RCOR1: variants seen among roughly 807,000 people sequenced by gnomAD.
RCOR1 encodes the protein REST corepressor.
A neutral mutation model predicts 64.0 loss-of-function variants in RCOR1; 12 were observed. The observed-to-expected ratio is 0.19, with a 90% CI of 0.12 to 0.30. The LOEUF (loss-of-function observed/expected upper bound fraction) is 0.30. RCOR1 is among the 10% of genes least tolerant of loss of function. RCOR1 has a pLI of 1.00. For missense variants in RCOR1, 502 were observed against 621.2 expected, an observed-to-expected ratio of 0.81 and a Z score of 2.04; for synonymous variants, 279 against 227.2, an observed-to-expected ratio of 1.23 and a Z score of -2.05.
chr14:102,726,611 C>A lies in RCOR1; in HGVS notation c.*105C>A. On this transcript the variant is annotated 3_prime_UTR_variant, in exon 12 of 12. Coordinates refer to ENST00000262241, the MANE Select transcript of RCOR1 (RefSeq NM_015156.4). ...TCTGCATCACATCTCTCTGGACAAG[C>A]AGCTATTACCAAAAAAGGCATATAC... The A allele has an allele frequency of 4.2e-6, 4 of 960,506 alleles. No individual in the cohort carries two copies. The highest frequency in any genetic ancestry group is 6.4e-6 in the Non-Finnish European group (4 of 625,006). 59.5% of individuals were successfully genotyped at this position (960,506 alleles called of 1,614,324 possible). A position where few individuals can be genotyped will look rare whatever the true frequency, so the allele number is the denominator to read the frequency against.
intron 7 of RCOR1, among the ~76,000 whole-genome samples, chr14:102,713,282 G>A (rs1234794077): frequency 1.5e-5 from 2 of 129,892 alleles, no homozygotes; most frequent in African/African-American, 2.9e-5. Flanking sequence ...TTTTTGAGAC[G>A]GAGCCTCACT....
intron 2 of RCOR1, among the ~76,000 whole-genome samples, chr14:102,666,338 G>A (rs1186369970): frequency 6.6e-6 from 1 of 152,032 alleles, no homozygotes; most frequent in East Asian, 1.9e-4. Flanking sequence ...TTTTATTTTG[G>A]AATAATTTTA....
intron 2 of RCOR1, among the ~76,000 whole-genome samples, chr14:102,669,007 C>T (rs1442630767): frequency 2.0e-5 from 3 of 152,056 alleles, no homozygotes; most frequent in Non-Finnish European, 4.4e-5. Context: ...TAAGAGAGAA[C>T]CAGACAGGAG....
intron 2 of RCOR1, among the ~76,000 whole-genome samples, chr14:102,661,230 C>A (rs539458568): frequency 2.0e-5 from 3 of 152,068 alleles, no homozygotes; most frequent in African/African-American, 4.8e-5. Context: ...TACCTGTAGT[C>A]CTAGCTACTT....
intron 2 of RCOR1, chr14:102,657,267 T>C: frequency 3.0e-6 from 3 of 985,404 alleles, no homozygotes; most frequent in Non-Finnish European, 3.6e-6. Context: ...ATTTCCCACC[T>C]GTATGTATGC....
intron 11 of RCOR1, among the ~76,000 whole-genome samples, chr14:102,723,246 T>G (rs1896197231): frequency 6.6e-6 from 1 of 152,208 alleles, no homozygotes; most frequent in Non-Finnish European, 1.5e-5. Flanking sequence ...TGGAATGTTT[T>G]GAGATTACCT....
intron 2 of RCOR1, among the ~76,000 whole-genome samples, chr14:102,619,467 T>C (rs1257676182): frequency 2.1e-5 from 3 of 141,156 alleles, no homozygotes; most frequent in African/African-American, 8.1e-5. Context: ...ATCTATTCTA[T>C]CTAATCTTTT....
chr14:102,607,092 T>C (rs2403066), intron 2 of RCOR1, among the ~76,000 whole-genome samples: 121,015 of 151,980 alleles, frequency 0.8, 48,440 homozygotes, highest in Middle Eastern at 0.87. Flanking sequence ...CTCCACCACG[T>C]CTGGCTGATT....
chr14:102,667,886 G>A (rs759183495), intron 2 of RCOR1, among the ~76,000 whole-genome samples: 1 of 152,146 alleles, frequency 6.6e-6, no homozygotes, highest in Non-Finnish European at 1.5e-5. Context: ...AGTGGGAAGG[G>A]TGAATGAGAG....
intron 4 of RCOR1, among the ~76,000 whole-genome samples, chr14:102,702,485 CATATAA>C (rs1489725999): frequency 1.3e-5 from 2 of 149,432 alleles, no homozygotes; most frequent in Admixed American, 1.3e-4. Context: ...ATATATATAA[CATATAA>C]ATATATATAA....
intron 2 of RCOR1, among the ~76,000 whole-genome samples, chr14:102,654,335 A>T (rs1295874355): frequency 6.6e-6 from 1 of 152,106 alleles, no homozygotes; most frequent in Non-Finnish European, 1.5e-5. Flanking sequence ...AATAGCCATC[A>T]TGTAAAATAC....
intron 8 of RCOR1, among the ~76,000 whole-genome samples, chr14:102,719,098 T>G (rs11847932): frequency 0.21 from 31,272 of 151,992 alleles, 3,526 homozygotes; most frequent in East Asian, 0.41. Flanking sequence ...GCATAATTTT[T>G]TTTTGGCAGG....
chr14:102,721,141 A>G, intron 9 of RCOR1, 57 bp downstream of exon 9: 1 of 1,176,336 alleles, frequency 8.5e-7, no homozygotes, highest in Non-Finnish European at 1.2e-6. Context: ...ATGTTTAAGA[A>G]TTTAATATCG....
At chr14:102,671,785 C>G (rs776993891) in intron 2 of RCOR1, among the ~76,000 whole-genome samples, 1 of 152,180 alleles carries the variant, frequency 6.6e-6, no homozygotes, top group African/African-American at 2.4e-5. Context: ...CACCACAAAT[C>G]AAATTTAAAA....
At chr14:102,660,977 G>C (rs1392453134) in intron 2 of RCOR1, among the ~76,000 whole-genome samples, 1 of 152,088 alleles carries the variant, frequency 6.6e-6, no homozygotes, top group Non-Finnish European at 1.5e-5. Context: ...TTTTTCAAAG[G>C]GATAAAGCAC....
rs1893167415 is a variant in RCOR1 at position 102,593,133 on chromosome 14, A to C, written c.247A>C (p.Ser83Arg). The C allele has an allele frequency of 6.6e-7, 1 of 1,525,102 alleles. No homozygotes were observed. Among genetic ancestry groups the C allele is most frequent in the Non-Finnish European group, 8.8e-7 (1 of 1,141,736 alleles). 94.5% of individuals were successfully genotyped at this position (1,525,102 alleles called of 1,614,324 possible). A position where few individuals can be genotyped will look rare whatever the true frequency, so the allele number is the denominator to read the frequency against. ...LAAAAPNGNS[S>R]SNSWEEGSSG... ...GGCGGCGGCGCCCAATGGCAACAGC[A>C]GCAGCAACTCCTGGGAGGAAGGCAG... The change falls in exon 1 of 12, where the codon AGC (serine) becomes CGC (arginine). Residue 83 changes from serine (S) to arginine (R), a missense_variant. This residue lies in a region of RCOR1 where 242 missense variants were observed against 204.9 expected (regional missense o/e 1.18). Coordinates refer to ENST00000262241, the MANE Select transcript of RCOR1 (RefSeq NM_015156.4).
chr14:102,693,128 A>G (rs1895571348), intron 3 of RCOR1, among the ~76,000 whole-genome samples: 1 of 152,130 alleles, frequency 6.6e-6, no homozygotes, highest in Non-Finnish European at 1.5e-5. Context: ...ACACAAGTAC[A>G]CAGGAATTTA....
chr14:102,681,854 GT>G, intron 2 of RCOR1, 40 bp from the exon 3 acceptor site: 1 of 1,434,212 alleles, frequency 7.0e-7, no homozygotes, highest in Non-Finnish European at 9.7e-7. Flanking sequence ...TATTATATGT[GT>G]TAAATTTTAA....
chr14:102,647,702 G>A (rs937610156), intron 2 of RCOR1, among the ~76,000 whole-genome samples: 18 of 151,832 alleles, frequency 1.2e-4, no homozygotes, highest in Non-Finnish European at 2.2e-4. Flanking sequence ...TTTTTGAGAC[G>A]GAGTCTCCAT....
Sources: gnomAD v4.1 joint callset for allele counts (sites outside exome capture counted in the v4.1 genomes callset) on GRCh38, gnomAD v4.1.1 for gene constraint, gnomAD v4.1.1 regional missense constraint, MANE v1.5 for transcripts, NCBI Gene and HGNC (gene_info 2026-07-23, HGNC 2026-07-21) for gene names.